Variants in FOXP2 observed in about 807,000 individuals in gnomAD.
FOXP2 encodes forkhead box P2.
Under a neutral mutation model 115.8 loss-of-function variants are expected in FOXP2, and 12 were observed. The observed-to-expected ratio is 0.10, with a 90% CI of 0.07 to 0.17. The LOEUF is 0.17. FOXP2 is among the 10% of genes least tolerant of loss of function. The probability of loss-of-function intolerance (pLI) is 1.00; values close to 1 mark genes in which losing one functional copy is unlikely to be tolerated. For missense variants in FOXP2, 629 were observed against 843.5 expected, an observed-to-expected ratio of 0.75 and a Z score of 3.15; for synonymous variants, 328 against 297.7, an observed-to-expected ratio of 1.10 and a Z score of -1.05.
chr7:114,268,235 A>G (rs1396333470), intron 1 of FOXP2, among the ~76,000 whole-genome samples: 7 of 152,206 alleles, frequency 4.6e-5, no homozygotes, highest in Admixed American at 4.6e-4. Flanking sequence ...ATGAACATGT[A>G]AATTTTGAGT....
intron 2 of FOXP2, among the ~76,000 whole-genome samples, chr7:114,477,737 A>G (rs779855604): frequency 2.0e-5 from 3 of 151,940 alleles, no homozygotes; most frequent in African/African-American, 4.8e-5. Flanking sequence ...AAACTTGGTA[A>G]TAGATTGTAG....
chr7:114,358,454 T>A (rs936190384), intron 2 of FOXP2, among the ~76,000 whole-genome samples: 2 of 152,150 alleles, frequency 1.3e-5, no homozygotes, highest in Non-Finnish European at 2.9e-5. Context: ...CAGCAGAGAT[T>A]GGAACAGTTT....
chr7:114,586,912 A>T (rs1015321658), intron 3 of FOXP2, among the ~76,000 whole-genome samples: 4 of 152,184 alleles, frequency 2.6e-5, no homozygotes, highest in Non-Finnish European at 5.9e-5. Flanking sequence ...CAATGCACTT[A>T]TAAAAATGTA....
chr7:114,482,192 C>G (rs978809998), intron 2 of FOXP2, among the ~76,000 whole-genome samples: 2 of 151,392 alleles, frequency 1.3e-5, no homozygotes, highest in Non-Finnish European at 3.0e-5. Context: ...CATGCTTGAA[C>G]TAGTGATTGA....
intron 3 of FOXP2, among the ~76,000 whole-genome samples, chr7:114,601,933 C>T (rs1192859240): frequency 6.6e-6 from 1 of 151,916 alleles, no homozygotes; most frequent in Non-Finnish European, 1.5e-5. Context: ...TCATTTTATA[C>T]AGCACTTTAT....
chr7:114,508,331 G>C (rs968581094), intron 2 of FOXP2, among the ~76,000 whole-genome samples: 1 of 152,030 alleles, frequency 6.6e-6, no homozygotes, highest in African/African-American at 2.4e-5. Context: ...GTCCAAAAGT[G>C]TAGAGTGATT....
intron 2 of FOXP2, among the ~76,000 whole-genome samples, chr7:114,307,315 C>G (rs1172189329): frequency 1.3e-5 from 2 of 152,076 alleles, no homozygotes; most frequent in African/African-American, 2.4e-5. Context: ...CCCCCCGAGT[C>G]CTGGACTCAG....
intron 2 of FOXP2, chr7:114,288,195 T>G (rs1796511503): frequency 2.4e-6 from 1 of 420,064 alleles, no homozygotes; most frequent in Admixed American, 2.7e-5. Flanking sequence ...TTAGTTTTTT[T>G]GGTTAAATAT....
At position 114,264,033 on chromosome 7, in the gene FOXP2, T is replaced by C. The variant is rs189753749; in HGVS notation, c.-101-23986T>C. ...GTTTAGCTTCCTTACTCTCACCTTT[T>C]TACGCTGCCGCCCAGGAGTTCTGAA... On this transcript the variant is annotated intron_variant, in intron 1 of 17. Transcript: ENST00000634411. Among the ~76,000 whole-genome samples the C allele has an allele frequency of 2.7e-3, 418 of 152,236 alleles. 3 individuals are homozygous for C. Among genetic ancestry groups the C allele is most frequent in the African/African-American group, 9.3e-3 (388 of 41,552 alleles).
intron 3 of FOXP2, chr7:114,561,563 T>G (rs539431489): frequency 6.6e-6 from 1 of 152,326 alleles, no homozygotes; most frequent in Middle Eastern, 3.4e-3. Flanking sequence ...AATAGTAATC[T>G]CTTATTTAAT....
At chr7:114,497,169 A>G (rs1263840049) in intron 2 of FOXP2, among the ~76,000 whole-genome samples, 1 of 152,236 alleles carries the variant, frequency 6.6e-6, no homozygotes, top group Admixed American at 6.5e-5. Flanking sequence ...ACACACTCAT[A>G]GTAAAATAAT....
upstream of FOXP2, among the ~76,000 whole-genome samples, chr7:114,161,531 A>C (rs1176456897): frequency 1.4e-5 from 1 of 70,558 alleles, no homozygotes; most frequent in Non-Finnish European, 2.9e-5. Context: ...CTATTTTCTC[A>C]CAATAGTTTT....
chr7:114,572,898 G>T (rs1189966415), intron 3 of FOXP2, among the ~76,000 whole-genome samples: 2 of 151,850 alleles, frequency 1.3e-5, no homozygotes, highest in African/African-American at 4.8e-5. Context: ...AGCTGAATTT[G>T]TTGCCCAAGT....
intron 2 of FOXP2, among the ~76,000 whole-genome samples, chr7:114,334,202 G>C (rs1391965912): frequency 6.6e-6 from 1 of 152,030 alleles, no homozygotes; most frequent in Non-Finnish European, 1.5e-5. Context: ...GATCAACTGT[G>C]TATCATTGAA....
At chr7:114,183,962 C>A (rs1217186794) in intron 1 of FOXP2, among the ~76,000 whole-genome samples, 1 of 152,130 alleles carries the variant, frequency 6.6e-6, no homozygotes, top group East Asian at 1.9e-4. Context: ...AGACGAGAAA[C>A]ATGAATATTG....
At position 114,692,095 on chromosome 7, in the gene FOXP2, A is replaced by G. The variant is rs936208719; in HGVS notation, c.*2169A>G. On this transcript the variant is annotated 3_prime_UTR_variant, in exon 17 of 17. Coordinates refer to ENST00000350908, the MANE Select transcript of FOXP2 (RefSeq NM_014491.4). ...ATATGGTATTAAAAGAAAGATGGGT[A>G]TGGTGAAAGATGGTTTTCAGTCATC... 8.8e-6 allele frequency: 4 copies of G among 453,894 alleles called. No individual in the cohort carries two copies. The highest frequency in any genetic ancestry group is 1.8e-5 in the Non-Finnish European group (4 of 226,732). The allele number at this position is 453,894 out of a possible 1,614,324, so 28.1% of individuals were successfully genotyped here.
At chr7:114,504,587 C>T (rs1021718966) in intron 2 of FOXP2, among the ~76,000 whole-genome samples, 19 of 151,398 alleles carry the variant, frequency 1.3e-4, no homozygotes, top group African/African-American at 4.4e-4. Context: ...TTTATATTTA[C>T]GGTTTACCTA....
At chr7:114,527,932 T>G (rs1485305660) in intron 2 of FOXP2, among the ~76,000 whole-genome samples, 1 of 152,124 alleles carries the variant, frequency 6.6e-6, no homozygotes, top group Non-Finnish European at 1.5e-5. Context: ...TTTACAAGTC[T>G]TTATACCTCT....
chr7:114,589,403 C>A (rs1014911271), intron 3 of FOXP2, among the ~76,000 whole-genome samples: 1 of 152,044 alleles, frequency 6.6e-6, no homozygotes, highest in East Asian at 1.9e-4. Flanking sequence ...GACAAGTAGA[C>A]AAGTTTCACC....
Sources: gnomAD v4.1 joint callset for allele counts (sites outside exome capture counted in the v4.1 genomes callset) on GRCh38, gnomAD v4.1.1 for gene constraint, MANE v1.5 for transcripts, NCBI Gene and HGNC (gene_info 2026-07-23, HGNC 2026-07-21) for gene names.